GPC5: variants seen among roughly 807,000 people sequenced by gnomAD.
GPC5 encodes glypican 5.
In GPC5, 47 loss-of-function variants were observed where a neutral mutation model predicts 53.9. That is an observed-to-expected ratio of 0.87 (90% CI 0.69 to 1.11). The LOEUF is 1.11. Among genes scored for constraint, GPC5 ranks in the 50% most tolerant of loss-of-function variants. The pLI, the probability that GPC5 is intolerant of heterozygous loss-of-function variation, is 0.00. For synonymous variants in GPC5, 286 were observed against 263.3 expected, an observed-to-expected ratio of 1.09 and a Z score of -0.84; for missense variants, 748 against 713.1, an observed-to-expected ratio of 1.05 and a Z score of -0.56.
At chr13:92,560,853 T>TTC (rs1379905043) in intron 7 of GPC5, among the ~76,000 whole-genome samples, 3 of 92,688 alleles carry the variant, frequency 3.2e-5, no homozygotes, top group African/African-American at 9.8e-5. Context: ...AAATAGAAAA[T>TTC]TATATGTGTG....
rs763653971 is a variant in GPC5 at position 91,562,710 on chromosome 13, C to T, written c.325+113788C>T. Among the ~76,000 whole-genome samples the T allele has an allele frequency of 4.0e-5, 6 of 151,122 alleles. No individual in the cohort carries two copies. The South Asian group carries it at 6.3e-4, about 16-fold the overall frequency. On this transcript the variant is annotated intron_variant, in intron 2 of 7. Transcript: ENST00000377067. ...CTGGGATTACAGGCATGAGCCACCA[C>T]GCCTGGCCAAGGACCATTATTTCTT...
chr13:92,050,788 C>T (rs113738056), intron 6 of GPC5, among the ~76,000 whole-genome samples: 8 of 152,228 alleles, frequency 5.3e-5, no homozygotes, highest in African/African-American at 1.9e-4. Context: ...TTTTTACAAA[C>T]CCCAGTGTTC....
chr13:92,791,424 T>TGG (rs60469699), intron 7 of GPC5, among the ~76,000 whole-genome samples: 1,836 of 64,478 alleles, frequency 0.028, 30 homozygotes, highest in African/African-American at 0.082. Context: ...TGTGAGTGTG[T>TGG]GGGGGGGGGC....
intron 6 of GPC5, among the ~76,000 whole-genome samples, chr13:92,035,943 G>A (rs1038615163): frequency 6.6e-6 from 1 of 151,992 alleles, no homozygotes; most frequent in Admixed American, 6.6e-5. Context: ...TTCCACAAAA[G>A]CCCATTTGTT....
intron 7 of GPC5, among the ~76,000 whole-genome samples, chr13:92,465,860 C>T (rs938985222): frequency 6.6e-6 from 1 of 151,092 alleles, no homozygotes; most frequent in African/African-American, 2.4e-5. Flanking sequence ...ATAAGCCAGA[C>T]ACAGAAGGAT....
intron 2 of GPC5, among the ~76,000 whole-genome samples, chr13:91,579,057 A>C (rs2032248146): frequency 6.6e-6 from 1 of 152,202 alleles, no homozygotes; most frequent in South Asian, 2.1e-4. Context: ...AAATAAATAA[A>C]CAAATTAATA....
chr13:92,004,317 C>T (rs12430626), intron 6 of GPC5, among the ~76,000 whole-genome samples: 2 of 149,940 alleles, frequency 1.3e-5, no homozygotes, highest in African/African-American at 4.9e-5. Flanking sequence ...TGGTGACGTG[C>T]GCCTGTAGTC....
intron 2 of GPC5, among the ~76,000 whole-genome samples, chr13:91,510,219 A>G (rs1349897317): frequency 6.6e-6 from 1 of 152,140 alleles, no homozygotes; most frequent in Non-Finnish European, 1.5e-5. Flanking sequence ...TATCATTTGT[A>G]TTGTGCAATC....
chr13:92,737,773 T>TC (rs978901147), intron 7 of GPC5, among the ~76,000 whole-genome samples: 5 of 142,164 alleles, frequency 3.5e-5, no homozygotes, highest in Non-Finnish European at 6.1e-5. Flanking sequence ...TTTCTTTTTT[T>TC]TTTTTTTTTT....
intron 2 of GPC5, among the ~76,000 whole-genome samples, chr13:91,650,772 T>TTTTTTTTTTTTTTTTTTTTTTTTTTG: frequency 7.9e-6 from 1 of 127,104 alleles, no homozygotes; most frequent in Admixed American, 8.1e-5. Flanking sequence ...TTTTTTTTTT[T>TTTTTTTTTTTTTTTTTTTTTTTTTTG]AGCACAGAAG....
At chr13:91,834,095 C>A (rs1354681330) in intron 5 of GPC5, among the ~76,000 whole-genome samples, 1 of 151,894 alleles carries the variant, frequency 6.6e-6, no homozygotes, top group African/African-American at 2.4e-5. Context: ...TCCTATACAC[C>A]AAATAACAAA....
At chr13:92,701,854 A>G (rs1170272022) in intron 7 of GPC5, among the ~76,000 whole-genome samples, 1 of 152,120 alleles carries the variant, frequency 6.6e-6, no homozygotes, top group Non-Finnish European at 1.5e-5. Context: ...TCATTCTGGG[A>G]AGAAATACTA....
intron 6 of GPC5, among the ~76,000 whole-genome samples, chr13:91,989,036 A>G (rs551543990): frequency 6.5e-4 from 97 of 149,850 alleles, no homozygotes; most frequent in African/African-American, 2.2e-3. Flanking sequence ...ACAAAACACA[A>G]CAAAAAGCAA....
intron 7 of GPC5, among the ~76,000 whole-genome samples, chr13:92,344,003 G>A (rs1206797898): frequency 6.6e-6 from 1 of 152,052 alleles, no homozygotes; most frequent in African/African-American, 2.4e-5. Flanking sequence ...TTTAATTGTT[G>A]TTTTCCTGCC....
intron 1 of GPC5, among the ~76,000 whole-genome samples, chr13:91,413,906 C>A (rs1435132324): frequency 6.6e-6 from 1 of 152,288 alleles, no homozygotes; most frequent in East Asian, 1.9e-4. Flanking sequence ...AACTTCAGAG[C>A]CAGGAATTAT....
intron 7 of GPC5, among the ~76,000 whole-genome samples, chr13:92,481,106 ATT>A (rs199678556): frequency 0.037 from 5,429 of 147,064 alleles, 223 homozygotes; most frequent in East Asian, 0.14. Context: ...ATTTTTTTGC[ATT>A]TTTTTTTTTT....
intron 7 of GPC5, among the ~76,000 whole-genome samples, chr13:92,471,535 C>T (rs918113424): frequency 1.0e-4 from 13 of 124,898 alleles, no homozygotes; most frequent in South Asian, 7.5e-4. Context: ...TAATAAGGAA[C>T]GTACATCTGG....
intron 6 of GPC5, among the ~76,000 whole-genome samples, chr13:92,027,896 T>C (rs546903395): frequency 1.3e-5 from 2 of 152,322 alleles, no homozygotes; most frequent in East Asian, 3.9e-4. Context: ...CAATATGTCT[T>C]ATCCCATCCC....
intron 7 of GPC5, among the ~76,000 whole-genome samples, chr13:92,620,354 C>T (rs957636308): frequency 1.3e-5 from 2 of 152,072 alleles, no homozygotes; most frequent in Non-Finnish European, 2.9e-5. Context: ...GGGAGTTCCA[C>T]AATTATCAAA....
Sources: allele counts gnomAD v4.1 joint callset (sites outside exome capture counted in the v4.1 genomes callset), GRCh38; gene constraint gnomAD v4.1.1; transcripts MANE v1.5; gene names NCBI Gene and HGNC (gene_info 2026-07-23, HGNC 2026-07-21).